NAV1: variants seen among roughly 807,000 people sequenced by gnomAD.
The protein encoded by NAV1 is pore membrane and/or filament interacting like protein 3.
NAV1 carries 18 observed loss-of-function variants against 175.2 expected under a neutral mutation model. That is an observed-to-expected ratio of 0.10 (90% CI 0.07 to 0.15). The LOEUF (loss-of-function observed/expected upper bound fraction) is 0.15. NAV1 is among the 10% of genes least tolerant of loss of function. The pLI is 1.00. For missense variants in NAV1, 1,731 were observed against 2,436.6 expected (o/e 0.71, Z 6.10); for synonymous variants, 897 against 978.7 (o/e 0.92, Z 1.56).
chr1:201,543,612 A>G (rs1004100457), intron 1 of NAV1, among the ~76,000 whole-genome samples: 14 of 152,026 alleles, frequency 9.2e-5, no homozygotes, highest in African/African-American at 3.4e-4. Context: ...ATTTAATTAT[A>G]CTTTTCATTA....
intron 1 of NAV1, among the ~76,000 whole-genome samples, chr1:201,559,631 G>T (rs1666137554): frequency 6.6e-6 from 1 of 151,966 alleles, no homozygotes; most frequent in Admixed American, 6.5e-5. Flanking sequence ...GCTGTGGAAG[G>T]ATTAGCCTCC....
chr1:201,561,891 C>T (rs111239623), intron 1 of NAV1, among the ~76,000 whole-genome samples: 5 of 152,362 alleles, frequency 3.3e-5, no homozygotes, highest in African/African-American at 1.2e-4. Context: ...AGCTTGGTCA[C>T]AGCATGAGAC....
At chr1:201,734,918 C>T (rs1047715603) in intron 3 of NAV1, among the ~76,000 whole-genome samples, 43 of 152,210 alleles carry the variant, frequency 2.8e-4, no homozygotes, top group African/African-American at 1.0e-3. Context: ...TATACAAGAT[C>T]TGGAGGGTCT....
At chr1:201,760,686 T>TG (rs1674782467) in intron 3 of NAV1, among the ~76,000 whole-genome samples, 1 of 152,202 alleles carries the variant, frequency 6.6e-6, no homozygotes, top group Non-Finnish European at 1.5e-5. Context: ...TAGCTTAACT[T>TG]GCAACAAATA....
exon 29 of NAV1, chr1:201,817,143 T>C: frequency 6.2e-7 from 1 of 1,614,066 alleles, no homozygotes; most frequent in Non-Finnish European, 8.5e-7. Context: ...CGGGACACAC[T>C]TCCCTGGCCA....
At chr1:201,597,602 A>C (rs1235808502) in intron 2 of NAV1, among the ~76,000 whole-genome samples, 2 of 151,734 alleles carry the variant, frequency 1.3e-5, no homozygotes, top group Non-Finnish European at 2.9e-5. Flanking sequence ...CTGGGAGTCC[A>C]TAAGGACCCC....
chr1:201,623,199 A>C (rs1285847951), exon 1 of NAV1: 1 of 985,898 alleles, frequency 1.0e-6, no homozygotes, highest in Non-Finnish European at 1.2e-6. Context: ...GTCCCAGGAC[A>C]ACCCCGAAAG....
At chr1:201,745,894 G>A (rs991385589) in intron 3 of NAV1, among the ~76,000 whole-genome samples, 5 of 151,974 alleles carry the variant, frequency 3.3e-5, no homozygotes, top group Non-Finnish European at 4.4e-5. Flanking sequence ...GTTCAGTGGC[G>A]CCATCTCCGC....
chr1:201,736,625 G>A (rs1673122981), intron 3 of NAV1, among the ~76,000 whole-genome samples: 1 of 152,184 alleles, frequency 6.6e-6, no homozygotes. Context: ...GGGACCTCAT[G>A]CATATTAGCC....
chr1:201,600,755 C>T (rs1185835991), intron 2 of NAV1, among the ~76,000 whole-genome samples: 1 of 152,126 alleles, frequency 6.6e-6, no homozygotes, highest in Non-Finnish European at 1.5e-5. Flanking sequence ...TCCCTCAGTC[C>T]TAGTAAAAGA....
chr1:201,756,809 C>CTTCTTTCCTTCT (rs1674500333), intron 3 of NAV1, among the ~76,000 whole-genome samples: 1 of 26,940 alleles, frequency 3.7e-5, no homozygotes, highest in African/African-American at 8.4e-5. Flanking sequence ...TCTTTCTTTC[C>CTTCTTTCCTTCT]TTCTTTCTTT....
At chr1:201,684,413 G>C (rs910894865) in intron 1 of NAV1, among the ~76,000 whole-genome samples, 1 of 151,138 alleles carries the variant, frequency 6.6e-6, no homozygotes, top group Admixed American at 6.6e-5. Context: ...AGTTAATACT[G>C]ATGTCTGCAA....
intron 14 of NAV1, 54 bp downstream of exon 18, chr1:201,793,929 G>T: frequency 6.8e-7 from 1 of 1,461,444 alleles, no homozygotes; most frequent in South Asian, 1.2e-5. Context: ...GGGTTCTCCT[G>T]GACAGAGAGG....
At chr1:201,633,126 A>G (rs1246692981) in intron 2 of NAV1, among the ~76,000 whole-genome samples, 1 of 152,180 alleles carries the variant, frequency 6.6e-6, no homozygotes, top group Non-Finnish European at 1.5e-5. Flanking sequence ...TGAGGGAGAG[A>G]TGAGACTCAG....
intron 3 of NAV1, among the ~76,000 whole-genome samples, chr1:201,747,843 T>C (rs1241080458): frequency 6.6e-6 from 1 of 152,234 alleles, no homozygotes; most frequent in Non-Finnish European, 1.5e-5. Context: ...TAAACATCCT[T>C]GTAGTTTCCA....
exon 1 of NAV1, chr1:201,648,902 C>T: frequency 1.2e-6 from 2 of 1,612,748 alleles, no homozygotes; most frequent in Non-Finnish European, 1.7e-6. Flanking sequence ...GTGTCCCCGG[C>T]GGGCCGCCCG....
chr1:201,648,756 G>A, exon 1 of NAV1: 1 of 1,402,034 alleles, frequency 7.1e-7, no homozygotes, highest in Admixed American at 3.2e-5. Context: ...ACCGCGGGGC[G>A]CCGGCAGGAA....
At chr1:201,761,691 A>T (rs1476781791) in intron 3 of NAV1, among the ~76,000 whole-genome samples, 1 of 152,204 alleles carries the variant, frequency 6.6e-6, no homozygotes, top group Non-Finnish European at 1.5e-5. Context: ...TTCTGACCAA[A>T]AATGGTTTTT....
Position 201,813,718 on chromosome 1 carries a change from G to C in NAV1, c.5340+460G>C, listed in dbSNP as rs1571519309. On this transcript the variant is annotated intron_variant, in intron 28 of 29. Transcript: ENST00000367296. The surrounding 1 kb of genome is among the most constrained non-coding windows in gnomAD (Gnocchi z 4.2). ...ACCTTCTGCTCTACCTAAATCACTG[G>C]AGTCTTTTGAAGACAAAATGAAATA... Among the ~76,000 whole-genome samples, 1 of 151,898 alleles carries C rather than the reference G, an allele frequency of 6.6e-6. No individual in the cohort carries two copies. The highest frequency in any genetic ancestry group is 2.4e-5 in the African/African-American group (1 of 41,348).
Sources: allele counts gnomAD v4.1 joint callset (sites outside exome capture counted in the v4.1 genomes callset), GRCh38; gene constraint gnomAD v4.1.1; non-coding constraint Gnocchi (gnomAD v3.1); transcripts MANE v1.5; gene names NCBI Gene and HGNC (gene_info 2026-07-23, HGNC 2026-07-21).